RAP1GDS1: variants seen among roughly 807,000 people sequenced by gnomAD.
RAP1GDS1 encodes the protein RAP1, GTP-GDP dissociation stimulator 1.
In RAP1GDS1, 35 loss-of-function variants were observed where a neutral mutation model predicts 71.1. The ratio of observed to expected loss-of-function variants is 0.49; its 90% confidence interval spans 0.38 to 0.65. The LOEUF is 0.65. Among genes scored for constraint, RAP1GDS1 ranks in the 30% least tolerant of loss-of-function variants. The pLI is 0.00. For synonymous variants in RAP1GDS1, 229 were observed against 243.1 expected, an observed-to-expected ratio of 0.94 and a Z score of 0.54; for missense variants, 663 against 706.1, an observed-to-expected ratio of 0.94 and a Z score of 0.69.
At chr4:98,261,604 A>G in intron 1 of RAP1GDS1, 35 bp downstream of exon 1, 1 of 1,592,212 alleles carries the variant, frequency 6.3e-7, no homozygotes, top group South Asian at 1.1e-5. Context: ...ATCGCCTGAC[A>G]TTTTTTTCTT....
chr4:98,392,967 C>T (rs1172512674), intron 6 of RAP1GDS1, among the ~76,000 whole-genome samples: 2 of 152,158 alleles, frequency 1.3e-5, no homozygotes, highest in Non-Finnish European at 2.9e-5. Flanking sequence ...TCAGCACCTC[C>T]ACCTCTTCAT....
chr4:98,377,773 T>TAAC (rs1436311381), intron 4 of RAP1GDS1, among the ~76,000 whole-genome samples: 1 of 151,856 alleles, frequency 6.6e-6, no homozygotes, highest in Non-Finnish European at 1.5e-5. Context: ...AAATTGTAAC[T>TAAC]AACTTCGTAG....
chr4:98,279,572 A>G (rs1311682465), intron 1 of RAP1GDS1, among the ~76,000 whole-genome samples: 5 of 151,918 alleles, frequency 3.3e-5, no homozygotes, highest in South Asian at 2.1e-4. Context: ...GTATACATAT[A>G]TTGCATAATT....
intron 5 of RAP1GDS1, 75 bp from the exon 6 acceptor site, chr4:98,391,877 T>C: frequency 7.6e-7 from 1 of 1,308,380 alleles, no homozygotes; most frequent in Non-Finnish European, 1.0e-6. Flanking sequence ...AAATAAGAGG[T>C]GTTTTCTTCT....
intron 2 of RAP1GDS1, among the ~76,000 whole-genome samples, chr4:98,324,745 C>G (rs1732661437): frequency 6.9e-6 from 1 of 144,490 alleles, no homozygotes; most frequent in African/African-American, 2.6e-5. Context: ...TGGATCCCTT[C>G]CTTACACCTT....
intron 7 of RAP1GDS1, among the ~76,000 whole-genome samples, chr4:98,405,937 CTG>C (rs1389561366): frequency 6.6e-6 from 1 of 151,860 alleles, no homozygotes; most frequent in African/African-American, 2.4e-5. Flanking sequence ...ATACCACAAA[CTG>C]AGCTTATAAA....
chr4:98,369,284 C>T (rs77114284), intron 4 of RAP1GDS1, among the ~76,000 whole-genome samples: 1 of 152,120 alleles, frequency 6.6e-6, no homozygotes, highest in Non-Finnish European at 1.5e-5. Context: ...TATATGAAAA[C>T]TTCTTAAATA....
chr4:98,349,677 A>C (rs535208241), intron 3 of RAP1GDS1, among the ~76,000 whole-genome samples: 24 of 152,244 alleles, frequency 1.6e-4, no homozygotes, highest in South Asian at 8.3e-4. Context: ...TGAAGAGGTC[A>C]TTCACATCCC....
rs1039620804 is a variant in RAP1GDS1, at chr4:98,443,620, A to G, written c.*1503A>G. On this transcript the variant is annotated 3_prime_UTR_variant, in exon 15 of 15. Coordinates refer to ENST00000408927, the MANE Select transcript of RAP1GDS1 (RefSeq NM_001100427.2). ...TTGGACTTTTGACTCTAAAACAGCT[A>G]TAATCCAAGAAAGTTAAATTCTAAT... 1.4e-5 allele frequency: 3 copies of G among 215,336 alleles called. No homozygotes were observed. The highest frequency in any genetic ancestry group is 2.8e-5 in the Non-Finnish European group (3 of 106,796). The allele number at this position is 215,336 out of a possible 1,614,324, so 13.3% of individuals were successfully genotyped here.
intron 1 of RAP1GDS1, among the ~76,000 whole-genome samples, chr4:98,289,644 C>G (rs1204142392): frequency 1.3e-5 from 2 of 151,748 alleles, no homozygotes; most frequent in Non-Finnish European, 2.9e-5. Flanking sequence ...TAAACACAGT[C>G]CTTTCCACTT....
At chr4:98,404,746 A>G (rs1356661921) in intron 7 of RAP1GDS1, 144 bp downstream of exon 7, 16 of 994,262 alleles carry the variant, frequency 1.6e-5, no homozygotes, top group South Asian at 5.0e-5. Context: ...AACTTTAGCT[A>G]TGTTATCTAC....
chr4:98,279,784 G>A (rs563317592), intron 1 of RAP1GDS1, among the ~76,000 whole-genome samples: 61 of 152,082 alleles, frequency 4.0e-4, no homozygotes, highest in Non-Finnish European at 7.8e-4. Context: ...ACAGGCCCCC[G>A]TGTGTGATGT....
chr4:98,350,765 G>T (rs543597530), intron 3 of RAP1GDS1, among the ~76,000 whole-genome samples: 1 of 152,108 alleles, frequency 6.6e-6, no homozygotes, highest in Admixed American at 6.6e-5. Flanking sequence ...TTGAACCCAG[G>T]GGGCAGAGGT....
chr4:98,330,545 C>T (rs575668702), intron 2 of RAP1GDS1, among the ~76,000 whole-genome samples: 47 of 145,036 alleles, frequency 3.2e-4, no homozygotes, highest in East Asian at 1.9e-3. Flanking sequence ...ACCTCCCAGA[C>T]GGGGCGGCCG....
intron 2 of RAP1GDS1, among the ~76,000 whole-genome samples, chr4:98,319,422 T>A (rs1339352429): frequency 6.6e-6 from 1 of 152,174 alleles, no homozygotes; most frequent in African/African-American, 2.4e-5. Flanking sequence ...TAATATGTAT[T>A]GGTTTACTGA....
At chr4:98,441,865 TC>T (rs1296847740) in intron 14 of RAP1GDS1, 124 bp from the exon 15 acceptor site, 2 of 1,090,174 alleles carry the variant, frequency 1.8e-6, no homozygotes, top group African/African-American at 3.2e-5. Context: ...TACTGCTATG[TC>T]TTTTTCCAGA....
chr4:98,342,468 A>G (rs1735623978), intron 2 of RAP1GDS1, among the ~76,000 whole-genome samples: 1 of 151,030 alleles, frequency 6.6e-6, no homozygotes, highest in Non-Finnish European at 1.5e-5. Flanking sequence ...TACATGAAGT[A>G]GCTTGTTTTT....
intron 2 of RAP1GDS1, among the ~76,000 whole-genome samples, chr4:98,300,954 CT>C (rs1329329452): frequency 6.6e-6 from 1 of 151,748 alleles, no homozygotes; most frequent in Non-Finnish European, 1.5e-5. Context: ...AACAGACTTA[CT>C]TTCAGGTAGC....
intron 4 of RAP1GDS1, among the ~76,000 whole-genome samples, chr4:98,364,312 A>C (rs1739168277): frequency 1.3e-5 from 2 of 152,112 alleles, no homozygotes; most frequent in South Asian, 4.2e-4. Context: ...CGTAGGAGGG[A>C]ATTTAAAAGT....
Sources: allele counts gnomAD v4.1 joint callset (sites outside exome capture counted in the v4.1 genomes callset), GRCh38; gene constraint gnomAD v4.1.1; transcripts MANE v1.5; gene names NCBI Gene and HGNC (gene_info 2026-07-23, HGNC 2026-07-21).